The following HDAC8 variants were observed in gnomAD, a reference collection of about 807,000 sequenced individuals.
HDAC8 encodes histone deacetylase-like 1.
Under a neutral mutation model 32.2 loss-of-function variants are expected in HDAC8, and 1 was observed. The observed-to-expected ratio is 0.03, with a 90% CI of 0.01 to 0.15. The LOEUF (loss-of-function observed/expected upper bound fraction) is 0.15, where lower values mean the gene tolerates loss of function less well. HDAC8 is among the 10% of genes least tolerant of loss of function. The pLI is 1.00. For missense variants in HDAC8, 117 were observed against 300.0 expected (o/e 0.39, Z 4.51); for synonymous variants, 108 against 113.9 (o/e 0.95, Z 0.33).
chrX:72,351,172 T>C, intron 10 of HDAC8: 1 of 170,500 alleles, frequency 5.9e-6, no homozygotes, highest in African/African-American at 3.1e-5. Context: ...TGGGCATGGC[T>C]CACTGCAGCC....
At chrX:72,361,053 T>C (rs1023857476) in intron 9 of HDAC8, among the ~76,000 whole-genome samples, 12 of 111,241 alleles carry the variant, frequency 1.1e-4, no homozygotes, top group African/African-American at 3.9e-4. Flanking sequence ...GAAGATAAGA[T>C]GCTACATGTG....
At chrX:72,451,195 G>GT (rs57902720) in intron 9 of HDAC8, among the ~76,000 whole-genome samples, 1,713 of 102,404 alleles carry the variant, frequency 0.017, 32 homozygotes, top group African/African-American at 0.052. Flanking sequence ...CTTTCTCTCT[G>GT]TTTTTTTTTT....
At chrX:72,404,074 G>C (rs2045975348) in intron 9 of HDAC8, among the ~76,000 whole-genome samples, 1 of 111,349 alleles carries the variant, frequency 9.0e-6, no homozygotes, top group South Asian at 3.7e-4. Flanking sequence ...ATTTCCAAAA[G>C]TGTATTTTAA....
chrX:72,447,540 C>T (rs1391878516), intron 9 of HDAC8, among the ~76,000 whole-genome samples: 3 of 111,938 alleles, frequency 2.7e-5, no homozygotes, highest in Non-Finnish European at 5.6e-5. Flanking sequence ...GACAAGGATG[C>T]CCTCTCTCAC....
chrX:72,354,947 C>T (rs2044289229), intron 9 of HDAC8, among the ~76,000 whole-genome samples: 1 of 111,969 alleles, frequency 8.9e-6, no homozygotes, highest in African/African-American at 3.2e-5. Context: ...GGGCAAGAGG[C>T]CCTTGCCTAA....
intron 4 of HDAC8, among the ~76,000 whole-genome samples, chrX:72,564,147 C>T (rs5958767): frequency 0.24 from 26,280 of 110,996 alleles, 5,349 homozygotes; most frequent in East Asian, 0.68. Context: ...ATGACAGAGC[C>T]GAGATTCTGT....
intron 5 of HDAC8, among the ~76,000 whole-genome samples, chrX:72,494,916 T>C (rs2048975568): frequency 9.0e-6 from 1 of 111,355 alleles, no homozygotes; most frequent in East Asian, 2.8e-4. Context: ...TTCTTAACAT[T>C]CTCTATTAGT....
chrX:72,484,632 G>A, intron 7 of HDAC8, among the ~76,000 whole-genome samples: 1 of 111,987 alleles, frequency 8.9e-6, no homozygotes, highest in Middle Eastern at 4.6e-3. Context: ...GGTAGGATGA[G>A]AATTAAGAAG....
intron 1 of HDAC8, 23 bp from the exon 2 acceptor site, chrX:72,572,132 A>G: frequency 8.6e-7 from 1 of 1,162,219 alleles, no homozygotes; most frequent in Non-Finnish European, 1.1e-6. Flanking sequence ...GCGTAAAAAA[A>G]AAAAAAGAAA....
In HDAC8 at chrX:72,372,184, A is replaced by G. The variant is rs1434675959; in HGVS notation, c.1006-20346T>C. ...ACTTATTTCTCCCTTCCTACACCCA[A>G]CTAATCCACATTCCTTTTTGGGAAC... On this transcript the variant is annotated intron_variant, in intron 9 of 10. Coordinates refer to ENST00000373573, the MANE Select transcript of HDAC8 (RefSeq NM_018486.3). Among the ~76,000 whole-genome samples the G allele has an allele frequency of 5.4e-5, 6 of 110,928 alleles. No homozygotes were observed. In the East Asian group the frequency reaches 1.7e-3, roughly 31 times the overall value.
intron 9 of HDAC8, among the ~76,000 whole-genome samples, chrX:72,392,502 A>AAG (rs200923137): frequency 0.09 from 10,095 of 111,745 alleles, 1,109 homozygotes; most frequent in African/African-American, 0.31. Flanking sequence ...AGGATCCCAA[A>AAG]GAGTCAGTGT....
intron 4 of HDAC8, among the ~76,000 whole-genome samples, chrX:72,544,692 A>G (rs1556049221): frequency 1.8e-5 from 2 of 112,023 alleles, no homozygotes; most frequent in African/African-American, 6.5e-5. Flanking sequence ...AGATTCTGTC[A>G]AGTCACATTA....
intron 4 of HDAC8, among the ~76,000 whole-genome samples, chrX:72,536,931 T>C (rs1422404607): frequency 1.8e-5 from 2 of 111,941 alleles, no homozygotes; most frequent in Non-Finnish European, 3.8e-5. Flanking sequence ...AATGATGTAA[T>C]TGACCCAGCA....
intron 9 of HDAC8, among the ~76,000 whole-genome samples, chrX:72,364,075 G>A (rs1555953553): frequency 9.0e-6 from 1 of 111,411 alleles, no homozygotes; most frequent in African/African-American, 3.3e-5. Context: ...CTGAGGGCAC[G>A]TAGTCATATG....
At chrX:72,566,312 A>G (rs1394381528) in intron 4 of HDAC8, among the ~76,000 whole-genome samples, 1 of 111,888 alleles carries the variant, frequency 8.9e-6, no homozygotes, top group Non-Finnish European at 1.9e-5. Flanking sequence ...ACAAAAAACA[A>G]AAAACAAACA....
intron 9 of HDAC8, among the ~76,000 whole-genome samples, chrX:72,374,764 T>C (rs1178752083): frequency 4.5e-5 from 5 of 111,429 alleles, no homozygotes; most frequent in African/African-American, 1.6e-4. Context: ...TTCTGTGAGT[T>C]GTCTTTTACT....
chrX:72,339,057 C>T (rs1198984542), intron 10 of HDAC8, among the ~76,000 whole-genome samples: 1 of 111,623 alleles, frequency 9.0e-6, no homozygotes, highest in Non-Finnish European at 1.9e-5. Context: ...TGTGTCACCT[C>T]AGATTGTCTC....
intron 9 of HDAC8, among the ~76,000 whole-genome samples, chrX:72,431,331 G>C (rs12007555): frequency 0.084 from 9,348 of 111,142 alleles, 1,009 homozygotes; most frequent in East Asian, 0.74. Flanking sequence ...GCACTTGCAG[G>C]TTTCTTGTTT....
At chrX:72,535,624 T>C (rs1452877428) in intron 4 of HDAC8, among the ~76,000 whole-genome samples, 2 of 111,899 alleles carry the variant, frequency 1.8e-5, no homozygotes, top group Non-Finnish European at 3.8e-5. Context: ...ATAGTAATAC[T>C]ATCATAAAAT....
Sources: gnomAD v4.1 joint callset for allele counts (sites outside exome capture counted in the v4.1 genomes callset) on GRCh38, gnomAD v4.1.1 for gene constraint, MANE v1.5 for transcripts, NCBI Gene and HGNC (gene_info 2026-07-23, HGNC 2026-07-21) for gene names.